SYN3: variants seen among roughly 807,000 people sequenced by gnomAD.
The protein encoded by SYN3 is synapsin III, also known as synapsin-3.
SYN3 carries 35 observed loss-of-function variants against 65.8 expected under a neutral mutation model. That is an observed-to-expected ratio of 0.53 (90% CI 0.41 to 0.70). The LOEUF is 0.70. Ranked by LOEUF, SYN3 falls within the 30% of genes least tolerant of loss-of-function variation. SYN3 has a pLI of 0.00. For missense variants in SYN3, 680 were observed against 749.0 expected (o/e 0.91, Z 1.08); for synonymous variants, 270 against 292.9 (o/e 0.92, Z 0.80).
At chr22:32,636,609 G>T (rs985598166) in intron 6 of SYN3, among the ~76,000 whole-genome samples, 5 of 152,068 alleles carry the variant, frequency 3.3e-5, no homozygotes, top group African/African-American at 1.2e-4. Flanking sequence ...GATCCTGGGG[G>T]GATAATCATG....
chr22:32,717,107 C>T (rs919740197), intron 6 of SYN3, among the ~76,000 whole-genome samples: 1 of 152,120 alleles, frequency 6.6e-6, no homozygotes, highest in South Asian at 2.1e-4. Context: ...CTGTTATAAC[C>T]CTGCAAGGTA....
chr22:32,853,266 G>A (rs2048273246), intron 6 of SYN3, among the ~76,000 whole-genome samples: 1 of 152,160 alleles, frequency 6.6e-6, no homozygotes, highest in Admixed American at 6.5e-5. Context: ...TTCTCTGCCT[G>A]TCCTGCTAGA....
At chr22:32,917,261 T>A (rs1180538107) in intron 4 of SYN3, among the ~76,000 whole-genome samples, 3 of 152,112 alleles carry the variant, frequency 2.0e-5, no homozygotes, top group Non-Finnish European at 2.9e-5. Flanking sequence ...CAGACACCAA[T>A]GCTAGTGTTT....
chr22:32,564,856 C>G (rs1304441837), intron 7 of SYN3, among the ~76,000 whole-genome samples: 1 of 139,926 alleles, frequency 7.1e-6, no homozygotes, highest in South Asian at 2.9e-4. Flanking sequence ...AAACAGTGCT[C>G]CCGGACTGCA....
chr22:32,813,777 C>A (rs2046980767), intron 6 of SYN3, among the ~76,000 whole-genome samples: 1 of 151,978 alleles, frequency 6.6e-6, no homozygotes, highest in African/African-American at 2.4e-5. Flanking sequence ...TGGCTAGTTG[C>A]CTGTCCCTGG....
chr22:32,525,180 G>A (rs887805434), intron 12 of SYN3, among the ~76,000 whole-genome samples: 2 of 152,198 alleles, frequency 1.3e-5, no homozygotes, highest in East Asian at 1.9e-4. Flanking sequence ...ACATTAACAG[G>A]AGTTTGGAAG....
intron 1 of SYN3, among the ~76,000 whole-genome samples, chr22:33,021,880 A>T (rs1380459743): frequency 2.0e-5 from 3 of 151,452 alleles, no homozygotes; most frequent in Non-Finnish European, 4.4e-5. Context: ...TTGTCCACTG[A>T]TGTACTCTAA....
At chr22:32,998,394 T>C (rs1306393414) in intron 2 of SYN3, among the ~76,000 whole-genome samples, 4 of 152,174 alleles carry the variant, frequency 2.6e-5, no homozygotes. Flanking sequence ...GACACCCTTT[T>C]AATTTCTTAC....
In SYN3 at chr22:32,830,438, A is replaced by G. The variant is rs1481614368; in HGVS notation, c.711+34477T>C. 2.0e-5 allele frequency among the ~76,000 whole-genome samples: 3 copies of G among 152,122 alleles called. No homozygotes were observed. The East Asian group carries it at 5.8e-4, about 29-fold the overall frequency. ...TAGGAGGAGCTGGAGCTGAGATTCA[A>G]CCCCAGGTTCTCTGGTGCCCAAGTG... On this transcript the variant is annotated intron_variant, in intron 6 of 13. Coordinates refer to ENST00000358763, the MANE Select transcript of SYN3 (RefSeq NM_003490.4).
intron 2 of SYN3, among the ~76,000 whole-genome samples, chr22:32,988,031 G>A (rs755429998): frequency 5.3e-5 from 8 of 150,512 alleles, no homozygotes; most frequent in African/African-American, 1.7e-4. Flanking sequence ...CACTGAGGCC[G>A]GGAACAGTGG....
intron 4 of SYN3, among the ~76,000 whole-genome samples, chr22:32,921,775 A>G (rs148761868): frequency 6.6e-6 from 1 of 152,142 alleles, no homozygotes; most frequent in Non-Finnish European, 1.5e-5. Flanking sequence ...ATTTCACATT[A>G]TACTAACTCA....
In SYN3 at chr22:32,885,563, T is replaced by C. The variant is rs2049264619; in HGVS notation, c.462-16438A>G. Reference sequence around the variant, plus strand: ...CTGGTCAGAACTGCATCATCTTCCCTTTCCTTTTTTTTTTTGAGATAGAGT... The same window carrying C: ...CTGGTCAGAACTGCATCATCTTCCCCTTCCTTTTTTTTTTTGAGATAGAGT... On this transcript the variant is annotated intron_variant, in intron 4 of 13. Coordinates refer to ENST00000358763, the MANE Select transcript of SYN3 (RefSeq NM_003490.4). 2.0e-5 allele frequency among the ~76,000 whole-genome samples: 3 copies of C among 148,332 alleles called. No individual in the cohort carries two copies. In the South Asian group the frequency reaches 6.4e-4, roughly 32 times the overall value.
chr22:32,549,626 C>A (rs73172143), intron 7 of SYN3, among the ~76,000 whole-genome samples: 13,724 of 152,216 alleles, frequency 0.09, 723 homozygotes, highest in African/African-American at 0.13. Flanking sequence ...AGGCTGGGTG[C>A]GCAGGCTCAC....
intron 6 of SYN3, among the ~76,000 whole-genome samples, chr22:32,820,931 G>A (rs1200877308): frequency 6.6e-6 from 1 of 152,158 alleles, no homozygotes; most frequent in Non-Finnish European, 1.5e-5. Flanking sequence ...GATGATAAAG[G>A]GTAGGGAGAG....
intron 6 of SYN3, among the ~76,000 whole-genome samples, chr22:32,831,715 C>T (rs1385217917): frequency 6.6e-6 from 1 of 152,124 alleles, no homozygotes; most frequent in Non-Finnish European, 1.5e-5. Context: ...TCCACCTGCC[C>T]CTCCCTTCCT....
chr22:32,674,212 A>G (rs1039485747), intron 6 of SYN3, among the ~76,000 whole-genome samples: 1 of 152,092 alleles, frequency 6.6e-6, no homozygotes, highest in Admixed American at 6.5e-5. Context: ...CCAAGCTGTG[A>G]ATTGCACCCT....
At chr22:32,699,824 C>T (rs1280729061) in intron 6 of SYN3, among the ~76,000 whole-genome samples, 1 of 152,062 alleles carries the variant, frequency 6.6e-6, no homozygotes, top group African/African-American at 2.4e-5. Context: ...TCAGAGTCTA[C>T]CTCTCATCTC....
At chr22:32,570,845 G>A (rs755803788) in intron 7 of SYN3, among the ~76,000 whole-genome samples, 19 of 152,180 alleles carry the variant, frequency 1.2e-4, no homozygotes, top group South Asian at 8.3e-4. Context: ...CCCACAATGC[G>A]TGACACTGGT....
intron 11 of SYN3, among the ~76,000 whole-genome samples, chr22:32,528,416 G>C (rs983315596): frequency 6.6e-6 from 1 of 152,158 alleles, no homozygotes; most frequent in Admixed American, 6.5e-5. Context: ...TGGGAACTGT[G>C]GAGGGGAGGA....
Sources: allele counts gnomAD v4.1 joint callset (sites outside exome capture counted in the v4.1 genomes callset), GRCh38; gene constraint gnomAD v4.1.1; transcripts MANE v1.5; gene names NCBI Gene and HGNC (gene_info 2026-07-23, HGNC 2026-07-21).